CEP192: variants seen among roughly 807,000 people sequenced by gnomAD.
CEP192 encodes the protein centrosomal protein 192.
CEP192 carries 151 observed loss-of-function variants against 271.8 expected under a neutral mutation model. The ratio of observed to expected loss-of-function variants is 0.56; its 90% CI spans 0.49 to 0.64. CEP192 has a LOEUF of 0.64. CEP192 is among the 30% of genes least tolerant of loss of function. The pLI is 0.00. For synonymous variants in CEP192, 995 were observed against 1,076.5 expected, an observed-to-expected ratio of 0.92 and a Z score of 1.48; for missense variants, 2,910 against 3,020.5, an observed-to-expected ratio of 0.96 and a Z score of 0.86.
At chr18:12,999,720 G>A (rs2033485614) in intron 2 of CEP192, 132 bp downstream of exon 2, 3 of 549,490 alleles carry the variant, frequency 5.5e-6, no homozygotes, top group Admixed American at 4.0e-5. Flanking sequence ...TATGTGAAAT[G>A]AATATAGAAA....
chr18:13,002,759 G>T (rs937400093), intron 3 of CEP192, among the ~76,000 whole-genome samples: 14 of 152,120 alleles, frequency 9.2e-5, no homozygotes, highest in Admixed American at 6.5e-4. Flanking sequence ...AAATGGGAAT[G>T]GTGGTATTAT....
intron 9 of CEP192, among the ~76,000 whole-genome samples, chr18:13,027,566 G>A (rs888460392): frequency 6.6e-6 from 1 of 152,138 alleles, no homozygotes; most frequent in Non-Finnish European, 1.5e-5. Context: ...TGTCTCTCCA[G>A]TTTTAGAGGC....
Position 13,115,436 on chromosome 18 carries a change from G to T in CEP192, c.7290-941G>T, listed in dbSNP as rs2040385173. Among the ~76,000 whole-genome samples the T allele has an allele frequency of 2.6e-5, 4 of 152,150 alleles. No individual in the cohort carries two copies. The South Asian group carries it at 8.3e-4, about 32-fold the overall frequency. ...AAGTTCAGTGTGAAAGGGGAGTGGT[G>T]GGGGGCAAGGCCAGAGCTGGGCCTA... On this transcript the variant is annotated intron_variant, in intron 42 of 44. Coordinates refer to ENST00000506447, the MANE Select transcript of CEP192 (RefSeq NM_032142.4).
At chr18:13,006,191 G>A (rs2033969992) in intron 3 of CEP192, among the ~76,000 whole-genome samples, 1 of 151,216 alleles carries the variant, frequency 6.6e-6, no homozygotes, top group South Asian at 2.1e-4. Context: ...AAAAGACATC[G>A]TTCTAGGTAA....
chr18:13,061,383 T>G (rs2037399657), intron 21 of CEP192, among the ~76,000 whole-genome samples: 1 of 152,226 alleles, frequency 6.6e-6, no homozygotes, highest in Non-Finnish European at 1.5e-5. Flanking sequence ...ACTTGCAGTT[T>G]AGAGGTAGGT....
At chr18:13,055,655 C>T (rs1257655707) in intron 18 of CEP192, 125 bp from the exon 19 acceptor site, 1 of 621,536 alleles carries the variant, frequency 1.6e-6, no homozygotes, top group African/African-American at 1.9e-5. Flanking sequence ...TTTGTGTAAA[C>T]CAATTTTTTT....
intron 38 of CEP192, 37 bp downstream of exon 38, chr18:13,100,549 C>T: frequency 6.9e-7 from 1 of 1,449,746 alleles, no homozygotes. Context: ...CAAATGTCTG[C>T]TGATATATTG....
At chr18:13,016,273 T>C (rs2034641860) in intron 6 of CEP192, among the ~76,000 whole-genome samples, 1 of 152,034 alleles carries the variant, frequency 6.6e-6, no homozygotes, top group Non-Finnish European at 1.5e-5. Context: ...GGAGGACATG[T>C]CAGGAAGCAG....
rs547229149 is a variant in CEP192 at position 13,047,195 on chromosome 18, A to G, written c.2068-1664A>G. On this transcript the variant is annotated intron_variant, in intron 15 of 44. Coordinates refer to ENST00000506447, the MANE Select transcript of CEP192 (RefSeq NM_032142.4). ...GGGAGCAAGGAACACTGGCAATTGC[A>G]GATCACTTTCATTCGTTTATTGGAA... Among the ~76,000 whole-genome samples the G allele has an allele frequency of 1.4e-3, 210 of 152,326 alleles. 2 individuals carry two copies. The highest frequency in any genetic ancestry group is 4.9e-3 in the African/African-American group (203 of 41,566).
At chr18:13,069,298 G>A in intron 26 of CEP192, 117 bp downstream of exon 26, 1 of 804,064 alleles carries the variant, frequency 1.2e-6, no homozygotes, top group Non-Finnish European at 2.1e-6. Flanking sequence ...AACCTCAGAT[G>A]AAAGAATCGC....
Position 13,018,630 on chromosome 18 carries a change from A to G in CEP192, c.925+15A>G, listed in dbSNP as rs755985534. Reference sequence around the variant, plus strand: ...ACCTGGGACTAGTAAGTATAGAAATATGATTCTTTTGTTCTTAAGTTCTAG... The same window carrying G: ...ACCTGGGACTAGTAAGTATAGAAATGTGATTCTTTTGTTCTTAAGTTCTAG... On this transcript the variant is annotated intron_variant, in intron 8 of 44. Transcript: ENST00000506447. 13 of 1,454,232 alleles carry G rather than the reference A, an allele frequency of 8.9e-6. No homozygotes were observed. In the South Asian group the frequency reaches 1.7e-4, roughly 19 times the overall value. The allele number at this position is 1,454,232 out of a possible 1,614,324, so 90.1% of individuals were successfully genotyped here. A position where few individuals can be genotyped will look rare whatever the true frequency, so the allele number is the denominator to read the frequency against.
At chr18:13,011,358 A>G (rs2034348396) in intron 4 of CEP192, among the ~76,000 whole-genome samples, 1 of 152,216 alleles carries the variant, frequency 6.6e-6, no homozygotes, top group African/African-American at 2.4e-5. Flanking sequence ...TGAAATCCTC[A>G]TACATTATTG....
chr18:13,010,298 G>A (rs1013242028), intron 4 of CEP192, among the ~76,000 whole-genome samples: 15 of 152,150 alleles, frequency 9.9e-5, no homozygotes, highest in African/African-American at 3.6e-4. Flanking sequence ...CTTATATAGT[G>A]TGGTATTCTG....
chr18:13,016,227 T>C (rs1568283286), intron 6 of CEP192, among the ~76,000 whole-genome samples: 1 of 152,082 alleles, frequency 6.6e-6, no homozygotes. Flanking sequence ...AGAAAAAGGA[T>C]GGAGCCTGTG....
chr18:13,062,102 T>A (rs73419515), intron 21 of CEP192, among the ~76,000 whole-genome samples: 2,167 of 152,308 alleles, frequency 0.014, 58 homozygotes, highest in African/African-American at 0.05. Context: ...GGTGTGCTCA[T>A]TGGAATCACC....
intron 30 of CEP192, among the ~76,000 whole-genome samples, chr18:13,076,487 A>T (rs975257619): frequency 2.4e-4 from 36 of 152,196 alleles, no homozygotes; most frequent in African/African-American, 8.4e-4. Flanking sequence ...AAGTGCTGGG[A>T]TTACAGGCGT....
Position 13,116,442 on chromosome 18 carries a change from G to A in CEP192, c.7355G>A (p.Ser2452Asn), listed in dbSNP as rs752456411. Reference sequence around the variant, plus strand: ...GATGTGTACAGGTTCCGGCCGACTAGTGTGGGGGAATCACGGACACTTAAA... The same window carrying A: ...GATGTGTACAGGTTCCGGCCGACTAATGTGGGGGAATCACGGACACTTAAA... ...PEDVYRFRPT[S>N]VGESRTLKVN... Residue 2452 changes from serine (S) to asparagine (N), a missense_variant, in exon 43 of 45, where the codon AGT (serine) becomes AAT (asparagine). Physicochemically the swap from Ser to Asn is conservative, Grantham distance 46. Transcript: ENST00000506447. 2.5e-6 allele frequency: 4 copies of A among 1,612,280 alleles called. No individual in the cohort carries two copies.
chr18:13,122,347 G>A (rs2040705005), intron 44 of CEP192, among the ~76,000 whole-genome samples: 1 of 152,206 alleles, frequency 6.6e-6, no homozygotes, highest in Admixed American at 6.5e-5. Context: ...GCTTGAACTT[G>A]GGAGGCACAG....
chr18:13,029,678 G>A lies in CEP192; in HGVS notation c.1066G>A (p.Asp356Asn). 6.6e-7 allele frequency: 1 copy of A among 1,511,564 alleles called. No homozygotes were observed. The allele number at this position is 1,511,564 out of a possible 1,614,324, so 93.6% of individuals were successfully genotyped here. Reference protein sequence around the residue: ...PDLNSECASKDVLVKTLRAID... With the variant: ...PDLNSECASKNVLVKTLRAID... The stretch of plus-strand genomic sequence containing the variant: ...TGTTTTAAAGGAATGTGCAAGTAAA[G>A]ATGTTCTGGTGAAGACCCTCAGGGC... Residue 356 changes from aspartate to asparagine, a missense_variant, in exon 10 of 45, where the codon GAT (aspartate) becomes AAT (asparagine). By Grantham distance (23) the Asp-to-Asn change is conservative (BLOSUM62 1). Coordinates refer to ENST00000506447, the MANE Select transcript of CEP192 (RefSeq NM_032142.4).
Sources: allele counts gnomAD v4.1 joint callset (sites outside exome capture counted in the v4.1 genomes callset), GRCh38; gene constraint gnomAD v4.1.1; transcripts MANE v1.5; gene names NCBI Gene and HGNC (gene_info 2026-07-23, HGNC 2026-07-21).